ENOX1: variants seen among roughly 807,000 people sequenced by gnomAD.
ENOX1 encodes the protein candidate growth-related and time keeping constitutive hydroquinone (NADH) oxidase.
In ENOX1, 42 loss-of-function variants were observed where a neutral mutation model predicts 82.5. That is an observed-to-expected ratio of 0.51 (90% confidence interval 0.40 to 0.66). The LOEUF is 0.66. ENOX1 is among the 30% of genes least tolerant of loss of function. ENOX1 has a pLI of 0.00. For missense variants in ENOX1, 608 were observed against 811.6 expected (o/e 0.75, Z 3.05); for synonymous variants, 271 against 282.2 (o/e 0.96, Z 0.40).
At chr13:43,694,265 T>C (rs2086521391) in intron 1 of ENOX1, among the ~76,000 whole-genome samples, 1 of 151,544 alleles carries the variant, frequency 6.6e-6, no homozygotes, top group South Asian at 2.1e-4. Context: ...AATTTGTTAT[T>C]GAGCTAGTCT....
At position 43,269,501 on chromosome 13, in the gene ENOX1, G is replaced by A. The variant is rs747424793; in HGVS notation, c.1523C>T (p.Thr508Ile). ...LEQAKEEQSHTQALLKVLQEQ... is the reference protein window; with the variant it reads ...LEQAKEEQSHIQALLKVLQEQ... Reference sequence around the variant, plus strand: ...CTGCAGGACTTTTAGTAACGCTTGTGTATGGGACTGCTCTTCCTTTGCTTG... The same window carrying A: ...CTGCAGGACTTTTAGTAACGCTTGTATATGGGACTGCTCTTCCTTTGCTTG... The change falls in exon 13 of 17, where the codon ACA (threonine) becomes ATA (isoleucine). Residue 508 changes from threonine to isoleucine, a missense_variant. Coordinates refer to ENST00000690772, the MANE Select transcript of ENOX1 (RefSeq NM_001347969.2). The A allele has an allele frequency of 1.7e-5, 28 of 1,613,856 alleles. No individual in the cohort carries two copies. The highest frequency in any genetic ancestry group is 2.2e-5 in the Non-Finnish European group (26 of 1,179,890).
At chr13:43,676,550 T>C (rs1476653930) in intron 1 of ENOX1, among the ~76,000 whole-genome samples, 3 of 152,192 alleles carry the variant, frequency 2.0e-5, no homozygotes, top group Non-Finnish European at 4.4e-5. Context: ...CATTTTCTGT[T>C]CCTACTAAAT....
Position 43,213,889 on chromosome 13 carries a change from A to AGGTTGCGTG in ENOX1, c.*92_*100dup. 7.4e-7 allele frequency: 1 copy of AGGTTGCGTG among 1,351,432 alleles called. No individual in the cohort carries two copies. Among genetic ancestry groups the AGGTTGCGTG allele is most frequent in the Non-Finnish European group, 1.0e-6 (1 of 1,003,234 alleles). The allele number at this position is 1,351,432 out of a possible 1,614,324, so 83.7% of individuals were successfully genotyped here. On this transcript the variant is annotated 3_prime_UTR_variant, in exon 17 of 17. Transcript: ENST00000690772. The stretch of plus-strand genomic sequence containing the variant: ...AAGGCAGGCTTCGATGGCTCCACAA[A>AGGTTGCGTG]GGTTGCGTGCTGGACCAACCCCACA...
In ENOX1 at chr13:43,587,777, T is replaced by C. The variant is rs1463376137; in HGVS notation, c.-219+79702A>G. Among the ~76,000 whole-genome samples the C allele has an allele frequency of 2.0e-5, 3 of 152,214 alleles. No individual in the cohort carries two copies. In the East Asian group the frequency reaches 5.8e-4, roughly 29 times the overall value. ...TAAACATGTTATATATTTATGTGGGTACATAACAATTTCATTCAAAGTAAA... is the reference window on the plus strand; with the variant it reads ...TAAACATGTTATATATTTATGTGGGCACATAACAATTTCATTCAAAGTAAA... On this transcript the variant is annotated intron_variant, in intron 2 of 16. Transcript: ENST00000690772.
chr13:43,484,202 C>T, intron 2 of ENOX1, 50 bp from the exon 3 acceptor site: 15 of 952,762 alleles, frequency 1.6e-5, no homozygotes, highest in Non-Finnish European at 1.9e-5. Flanking sequence ...AGTACCATTA[C>T]TGCCTGTAAT....
chr13:43,773,243 GT>G (rs769655349), intron 1 of ENOX1, among the ~76,000 whole-genome samples: 100 of 152,318 alleles, frequency 6.6e-4, no homozygotes, highest in Non-Finnish European at 1.1e-3. Flanking sequence ...TGCTTAAGGA[GT>G]ATAGGATTTC....
rs1287378679 is a variant in ENOX1 at position 43,568,719 on chromosome 13, C to G, written c.-218-84567G>C. On this transcript the variant is annotated intron_variant, in intron 2 of 16. Transcript: ENST00000690772. ...TTTTTTTTCTGGGTCTGCCAAAATTCAAGTTCCTACACTAATTTGTTGATT... is the reference window on the plus strand; with the variant it reads ...TTTTTTTTCTGGGTCTGCCAAAATTGAAGTTCCTACACTAATTTGTTGATT... 2.0e-5 allele frequency among the ~76,000 whole-genome samples: 3 copies of G among 146,466 alleles called. No homozygotes were observed. In the East Asian group the frequency reaches 6.1e-4, roughly 30 times the overall value.
At chr13:43,318,207 T>C (rs2047620742) in intron 11 of ENOX1, among the ~76,000 whole-genome samples, 1 of 152,238 alleles carries the variant, frequency 6.6e-6, no homozygotes, top group Admixed American at 6.5e-5. Context: ...AGGGACTTTT[T>C]AGTTTTACTC....
chr13:43,751,751 C>T (rs1950334851), intron 1 of ENOX1, among the ~76,000 whole-genome samples: 1 of 152,136 alleles, frequency 6.6e-6, no homozygotes, highest in Non-Finnish European at 1.5e-5. Flanking sequence ...CATGGATAGG[C>T]TATACTATAA....
At chr13:43,247,603 T>C (rs1443808515) in intron 14 of ENOX1, among the ~76,000 whole-genome samples, 2 of 151,424 alleles carry the variant, frequency 1.3e-5, no homozygotes, top group African/African-American at 4.9e-5. Context: ...AGATCAAGTG[T>C]ATTTTTTCAT....
At chr13:43,708,486 T>A (rs1224445491) in intron 1 of ENOX1, among the ~76,000 whole-genome samples, 2 of 152,214 alleles carry the variant, frequency 1.3e-5, no homozygotes, top group Non-Finnish European at 2.9e-5. Flanking sequence ...CTTTGACTCC[T>A]ATTCTAAAAC....
intron 11 of ENOX1, among the ~76,000 whole-genome samples, chr13:43,306,361 G>A (rs958859796): frequency 6.6e-6 from 1 of 152,062 alleles, no homozygotes; most frequent in Non-Finnish European, 1.5e-5. Flanking sequence ...TTCGATTTTA[G>A]TTTTCTTTTT....
At chr13:43,267,691 T>A (rs1291087261) in intron 13 of ENOX1, among the ~76,000 whole-genome samples, 1 of 152,094 alleles carries the variant, frequency 6.6e-6, no homozygotes, top group Non-Finnish European at 1.5e-5. Flanking sequence ...TACAGGGACA[T>A]GGAAAGAAAC....
intron 1 of ENOX1, among the ~76,000 whole-genome samples, chr13:43,737,119 G>T (rs947435531): frequency 6.6e-6 from 1 of 152,184 alleles, no homozygotes; most frequent in Non-Finnish European, 1.5e-5. Context: ...CCAAGGCAAT[G>T]ATGTGTGTAA....
At chr13:43,505,829 G>A (rs2077137030) in intron 2 of ENOX1, among the ~76,000 whole-genome samples, 1 of 152,016 alleles carries the variant, frequency 6.6e-6, no homozygotes, top group Non-Finnish European at 1.5e-5. Context: ...CCTTGCCCAT[G>A]CCTATGTCCT....
chr13:43,381,243 G>T (rs1289954566), intron 5 of ENOX1, among the ~76,000 whole-genome samples: 1 of 151,586 alleles, frequency 6.6e-6, no homozygotes, highest in African/African-American at 2.4e-5. Context: ...ATAAAATAGT[G>T]ATGAAAAATA....
At chr13:43,591,639 C>A (rs1254756284) in intron 2 of ENOX1, among the ~76,000 whole-genome samples, 1 of 151,728 alleles carries the variant, frequency 6.6e-6, no homozygotes, top group Non-Finnish European at 1.5e-5. Flanking sequence ...CTGTTACATG[C>A]TTTCTTTTAT....
intron 5 of ENOX1, among the ~76,000 whole-genome samples, chr13:43,397,902 G>C (rs912386055): frequency 1.3e-5 from 2 of 152,208 alleles, no homozygotes; most frequent in Non-Finnish European, 2.9e-5. Flanking sequence ...TGGAGGCTAA[G>C]AAGTCCAAGA....
intron 2 of ENOX1, among the ~76,000 whole-genome samples, chr13:43,537,041 T>C (rs534483810): frequency 2.6e-5 from 4 of 152,164 alleles, no homozygotes; most frequent in South Asian, 4.1e-4. Flanking sequence ...AAACCACACA[T>C]AGGTAAAGTC....
Sources: gnomAD v4.1 joint callset for allele counts (sites outside exome capture counted in the v4.1 genomes callset) on GRCh38, gnomAD v4.1.1 for gene constraint, MANE v1.5 for transcripts, NCBI Gene and HGNC (gene_info 2026-07-23, HGNC 2026-07-21) for gene names.